Variants in SIRPG observed in about 807,000 individuals in gnomAD.
SIRPG encodes signal regulatory protein gamma, also known as signal-regulatory protein gamma.
Under a neutral mutation model 35.7 loss-of-function variants are expected in SIRPG, and 38 were observed. The ratio of observed to expected loss-of-function variants is 1.06; its 90% CI spans 0.82 to 1.40. The LOEUF is 1.40. Ranked by LOEUF, SIRPG falls within the 40% of genes most tolerant of loss-of-function variation. The pLI is 0.00. For missense variants in SIRPG, 519 were observed against 483.0 expected (o/e 1.07, Z -0.70); for synonymous variants, 215 against 190.4 (o/e 1.13, Z -1.06).
chr20:1,680,439 G>A, the SIRPG span, among the ~76,000 whole-genome samples: 41 of 152,272 alleles, frequency 2.7e-4, no homozygotes, highest in South Asian at 6.8e-3. Flanking sequence ...GATATGAAGC[G>A]CATTGGAAAC....
chr20:1,630,158 G>A lies in SIRPG; in HGVS notation c.*2+64C>T, dbSNP rs1012866396. ...TGGTGCTGCATGGCATGTGGGCTGGGCCTTCCTGTTGGCCTTGCCCTTCTG... is the reference window on the plus strand; with the variant it reads ...TGGTGCTGCATGGCATGTGGGCTGGACCTTCCTGTTGGCCTTGCCCTTCTG... On this transcript the variant is annotated intron_variant, in intron 5 of 5. Transcript: ENST00000303415. The A allele has an allele frequency of 4.8e-6, 6 of 1,246,312 alleles. No homozygotes were observed. In the Admixed American group the frequency reaches 9.9e-5, roughly 21 times the overall value. The allele number at this position is 1,246,312 out of a possible 1,614,324, so 77.2% of individuals were successfully genotyped here.
intron 2 of SIRPG, among the ~76,000 whole-genome samples, chr20:1,648,709 A>T (rs1264516372): frequency 6.6e-6 from 1 of 152,206 alleles, no homozygotes; most frequent in African/African-American, 2.4e-5. Context: ...CGCTCTTTGG[A>T]GGCAGAAGGT....
At chr20:1,678,253 C>T in the SIRPG span, among the ~76,000 whole-genome samples, 9 of 151,986 alleles carry the variant, frequency 5.9e-5, no homozygotes, top group African/African-American at 2.2e-4. Flanking sequence ...CACTGTGGGC[C>T]CACCCTGATG....
chr20:1,634,209 GTTT>G (rs11284426), intron 4 of SIRPG, among the ~76,000 whole-genome samples: 6 of 128,688 alleles, frequency 4.7e-5, no homozygotes, highest in Non-Finnish European at 8.0e-5. Flanking sequence ...GCCTGGTACA[GTTT>G]TTTTTTTTTT....
chr20:1,649,235 C>A lies in SIRPG; in HGVS notation c.247G>T (p.Gly83Cys). 1 of 1,614,086 alleles carries A rather than the reference C, an allele frequency of 6.2e-7. No individual in the cohort carries two copies. The highest frequency in any genetic ancestry group is 8.5e-7 in the Non-Finnish European group (1 of 1,180,030). The part of the protein sequence containing the change: ...GRELIYNQKE[G>C]HFPRVTTVSD... ...ACTGTTGTTACCCTGGGGAAGTGGC[C>A]TTCTTTTTGATTGTAGATTAATTCC... is the stretch of plus-strand genomic sequence containing the variant. The change falls in exon 2 of 6, where the codon GGC (glycine) becomes TGC (cysteine). Residue 83 changes from glycine (G) to cysteine (C), a missense_variant. Gly to Cys is a radical substitution (Grantham distance 159). Coordinates refer to ENST00000303415, the MANE Select transcript of SIRPG (RefSeq NM_018556.4).
chr20:1,666,342 C>T, the SIRPG span: 1 of 152,112 alleles, frequency 6.6e-6, no homozygotes, highest in Non-Finnish European at 1.5e-5. Context: ...TTTTAAAAAT[C>T]AATTTAGCAT....
At chr20:1,668,218 T>TCTTC in the SIRPG span, among the ~76,000 whole-genome samples, 12 of 79,056 alleles carry the variant, frequency 1.5e-4, no homozygotes, top group African/African-American at 4.9e-4. Context: ...TTTCTTTCTT[T>TCTTC]CTTTCTTTCT....
chr20:1,638,256 C>G (rs923784839), intron 2 of SIRPG, among the ~76,000 whole-genome samples: 16 of 152,110 alleles, frequency 1.1e-4, no homozygotes, highest in African/African-American at 3.6e-4. Flanking sequence ...AGCAAAGGGC[C>G]AAAAGTGGAT....
intron 3 of SIRPG, 152 bp from the exon 4 acceptor site, chr20:1,635,751 A>C: frequency 1.2e-6 from 1 of 831,772 alleles, no homozygotes; most frequent in Non-Finnish European, 1.9e-6. Context: ...CGCTCTTTGC[A>C]TATGAATGAA....
the SIRPG span, among the ~76,000 whole-genome samples, chr20:1,662,796 G>A: frequency 4.6e-5 from 7 of 152,146 alleles, no homozygotes; most frequent in South Asian, 1.5e-3. Context: ...AAGTACACGT[G>A]GTAATATAAT....
chr20:1,672,959 T>C, the SIRPG span, among the ~76,000 whole-genome samples: 1 of 152,202 alleles, frequency 6.6e-6, no homozygotes, highest in Non-Finnish European at 1.5e-5. Context: ...CAGGCACTCA[T>C]CCTGCGTCCT....
At chr20:1,674,699 G>A in the SIRPG span, among the ~76,000 whole-genome samples, 1 of 152,166 alleles carries the variant, frequency 6.6e-6, no homozygotes, top group Non-Finnish European at 1.5e-5. Context: ...ATGATTATCA[G>A]CATTGCACAG....
chr20:1,678,099 C>A, the SIRPG span, among the ~76,000 whole-genome samples: 10 of 152,204 alleles, frequency 6.6e-5, no homozygotes, highest in Non-Finnish European at 1.2e-4. Context: ...CTGTTCTTTG[C>A]CTTTACTAAT....
At chr20:1,648,992 G>A (rs985466887) in intron 2 of SIRPG, 60 bp downstream of exon 2, 2 of 1,386,738 alleles carry the variant, frequency 1.4e-6, no homozygotes, top group African/African-American at 2.9e-5. Context: ...AGAATGGAAG[G>A]TGTTACTATT....
intron 4 of SIRPG, among the ~76,000 whole-genome samples, chr20:1,631,804 G>A (rs559370618): frequency 3.0e-4 from 45 of 152,304 alleles, no homozygotes; most frequent in Admixed American, 7.8e-4. Context: ...TTGGCATCAG[G>A]CTTTTGAAAC....
the SIRPG span, among the ~76,000 whole-genome samples, chr20:1,679,253 G>A: frequency 0.51 from 77,140 of 152,030 alleles, 20,177 homozygotes; most frequent in Non-Finnish European, 0.58. Flanking sequence ...AAAATTGTAT[G>A]AGGAAATAAA....
the SIRPG span, among the ~76,000 whole-genome samples, chr20:1,673,246 A>C: frequency 1.3e-5 from 2 of 152,152 alleles, no homozygotes; most frequent in Admixed American, 1.3e-4. Context: ...GGATGTAATC[A>C]ATTTCCATTT....
At chr20:1,660,965 G>A (rs961578717), upstream of SIRPG, among the ~76,000 whole-genome samples, 2 of 152,266 alleles carry the variant, frequency 1.3e-5, no homozygotes, top group East Asian at 1.9e-4. Context: ...TTCCCCAAGT[G>A]TACAACGGAG....
chr20:1,667,113 T>TC, the SIRPG span, among the ~76,000 whole-genome samples: 8 of 152,290 alleles, frequency 5.3e-5, no homozygotes, highest in African/African-American at 1.9e-4. Flanking sequence ...CCCAGGCTGA[T>TC]CTCAAACTCT....
Sources: allele counts gnomAD v4.1 joint callset (sites outside exome capture counted in the v4.1 genomes callset), GRCh38; gene constraint gnomAD v4.1.1; transcripts MANE v1.5; gene names NCBI Gene and HGNC (gene_info 2026-07-23, HGNC 2026-07-21).